The following FARS2 variants were observed in gnomAD, a reference collection of about 807,000 sequenced individuals.
FARS2 encodes the protein phenylalanine--tRNA ligase, mitochondrial.
FARS2 carries 40 observed loss-of-function variants against 46.4 expected under a neutral mutation model. The ratio of observed to expected loss-of-function variants is 0.86; its 90% confidence interval spans 0.67 to 1.12. The LOEUF (loss-of-function observed/expected upper bound fraction) is 1.12. Among genes scored for constraint, FARS2 ranks in the 50% most tolerant of loss-of-function variants. The pLI is 0.00. For missense variants in FARS2, 513 were observed against 567.9 expected, an observed-to-expected ratio of 0.90 and a Z score of 0.98; for synonymous variants, 234 against 214.9, an observed-to-expected ratio of 1.09 and a Z score of -0.78.
At chr6:5,330,848 G>A (rs1288777989) in intron 1 of FARS2, among the ~76,000 whole-genome samples, 1 of 152,142 alleles carries the variant, frequency 6.6e-6, no homozygotes, top group Non-Finnish European at 1.5e-5. Context: ...GGTCACGCCT[G>A]TAATCCTAGC....
intron 6 of FARS2, among the ~76,000 whole-genome samples, chr6:5,709,123 A>G (rs376808512): frequency 2.6e-5 from 4 of 152,242 alleles, no homozygotes; most frequent in South Asian, 2.1e-4. Flanking sequence ...AGTCTTTTTT[A>G]ATGAGGAGAA....
chr6:5,670,846 G>A (rs1364138978), intron 6 of FARS2, among the ~76,000 whole-genome samples: 2 of 152,156 alleles, frequency 1.3e-5, no homozygotes, highest in African/African-American at 4.8e-5. Context: ...ATGGTGTAAA[G>A]TTTCAACCGG....
chr6:5,639,503 A>G (rs2150736186), intron 6 of FARS2, among the ~76,000 whole-genome samples: 1 of 152,368 alleles, frequency 6.6e-6, no homozygotes, highest in South Asian at 2.1e-4. Context: ...ATTTTCAAGA[A>G]TGAGAAGTAG....
chr6:5,260,631 G>T (rs1246509698), upstream of FARS2: 6 of 778,890 alleles, frequency 7.7e-6, no homozygotes, highest in East Asian at 2.9e-4. Context: ...CCCGGCCCCC[G>T]GTGCCCGCTG....
intron 5 of FARS2, among the ~76,000 whole-genome samples, chr6:5,599,986 G>A (rs1373616058): frequency 3.3e-5 from 5 of 151,976 alleles, no homozygotes; most frequent in African/African-American, 1.2e-4. Context: ...CACATGCAAT[G>A]CAAATGGGCT....
At chr6:5,342,791 A>C (rs1323021276) in intron 1 of FARS2, among the ~76,000 whole-genome samples, 2 of 151,866 alleles carry the variant, frequency 1.3e-5, no homozygotes, top group Admixed American at 1.3e-4. Context: ...AAGCTGATCT[A>C]CTCAGTGCAC....
At chr6:5,251,627 A>G in the FARS2 span, among the ~76,000 whole-genome samples, 2 of 152,178 alleles carry the variant, frequency 1.3e-5, no homozygotes, top group African/African-American at 2.4e-5. Flanking sequence ...GTGCTAAACT[A>G]TTCATGAGAA....
At chr6:5,368,517 C>A in intron 1 of FARS2, 33 bp from the exon 2 acceptor site, 3 of 1,548,046 alleles carry the variant, frequency 1.9e-6, no homozygotes, top group Non-Finnish European at 1.7e-6. Flanking sequence ...AGAGTGACAC[C>A]TGACTTGTGC....
chr6:5,418,413 A>G (rs1762360378), intron 3 of FARS2, among the ~76,000 whole-genome samples: 2 of 152,180 alleles, frequency 1.3e-5, no homozygotes, highest in African/African-American at 2.4e-5. Flanking sequence ...ACCAGTATAG[A>G]GTTTCGTCTG....
intron 4 of FARS2, among the ~76,000 whole-genome samples, chr6:5,497,372 G>T (rs1165492141): frequency 1.3e-5 from 2 of 152,196 alleles, no homozygotes; most frequent in African/African-American, 4.8e-5. Context: ...TTGCAACTCT[G>T]TTGAGTTTGG....
chr6:5,258,982 C>T (rs111486523), upstream of FARS2, among the ~76,000 whole-genome samples: 666 of 152,260 alleles, frequency 4.4e-3, 3 homozygotes, highest in African/African-American at 0.015. Context: ...AAATCATTTC[C>T]AAAGAGAATT....
chr6:5,260,598 T>G, upstream of FARS2: 50 of 1,105,464 alleles, frequency 4.5e-5, no homozygotes, highest in Non-Finnish European at 5.8e-5. Flanking sequence ...GCACCCCCGG[T>G]CCCCGGCCCC....
intron 6 of FARS2, among the ~76,000 whole-genome samples, chr6:5,703,445 A>G (rs535921851): frequency 5.9e-5 from 9 of 152,346 alleles, no homozygotes; most frequent in African/African-American, 2.2e-4. Context: ...TTAGAGGAAT[A>G]TGAAATATAA....
chr6:5,493,200 A>G (rs1476264678), intron 4 of FARS2, among the ~76,000 whole-genome samples: 1 of 139,954 alleles, frequency 7.1e-6, no homozygotes, highest in Non-Finnish European at 1.5e-5. Flanking sequence ...CAAGAGGGAG[A>G]CTGTGTCTCA....
chr6:5,283,650 T>A (rs1766911922), intron 1 of FARS2, among the ~76,000 whole-genome samples: 2 of 152,204 alleles, frequency 1.3e-5, no homozygotes, highest in African/African-American at 4.8e-5. Context: ...CTTAGACATT[T>A]TCTTATATAT....
chr6:5,524,744 G>T (rs1241824708), intron 4 of FARS2, among the ~76,000 whole-genome samples: 2 of 152,200 alleles, frequency 1.3e-5, no homozygotes, highest in Non-Finnish European at 2.9e-5. Context: ...ACTTGTCCAA[G>T]ATCACCAGCC....
In FARS2 at chr6:5,470,679, T is replaced by TAGCAACAAACTGGGTTTGTA. The variant is rs1213110789; in HGVS notation, c.904+39507_904+39508insAGCAACAAACTGGGTTTGTA. The stretch of plus-strand genomic sequence containing the variant: ...GTATAGCGCATGGGACTGGGTTTGT[T>TAGCAACAAACTGGGTTTGTA]GCTACTAAACTGAAAAACAAAGTTG... On this transcript the variant is annotated intron_variant, in intron 4 of 6. Coordinates refer to ENST00000274680, the MANE Select transcript of FARS2 (RefSeq NM_006567.5). Among the ~76,000 whole-genome samples the TAGCAACAAACTGGGTTTGTA allele has an allele frequency of 3.9e-5, 6 of 152,332 alleles. No homozygotes were observed. In the East Asian group the frequency reaches 1.2e-3, roughly 29 times the overall value.
At chr6:5,329,176 T>C (rs1581795560) in intron 1 of FARS2, among the ~76,000 whole-genome samples, 1 of 152,138 alleles carries the variant, frequency 6.6e-6, no homozygotes, top group East Asian at 1.9e-4. Context: ...TATAAACAAG[T>C]TGATTGGAGG....
rs183698097 is a variant in FARS2, at chr6:5,270,649, C to G, written c.-22+8989C>G. Among the ~76,000 whole-genome samples, 324 of 152,128 alleles carry G rather than the reference C, an allele frequency of 2.1e-3. 2 individuals are homozygous for G. Among genetic ancestry groups the G allele is most frequent in the African/African-American group, 6.8e-3 (283 of 41,566 alleles). The stretch of plus-strand genomic sequence containing the variant: ...ATATATATGAATTAATGTCACCACA[C>G]TATAGACAGTAATTTTTATATCACC... On this transcript the variant is annotated intron_variant, in intron 1 of 6. Coordinates refer to ENST00000274680, the MANE Select transcript of FARS2 (RefSeq NM_006567.5).
Sources: gnomAD v4.1 joint callset for allele counts (sites outside exome capture counted in the v4.1 genomes callset) on GRCh38, gnomAD v4.1.1 for gene constraint, MANE v1.5 for transcripts, NCBI Gene and HGNC (gene_info 2026-07-23, HGNC 2026-07-21) for gene names.